The following HDAC9 variants were observed in gnomAD, a reference collection of about 807,000 sequenced individuals.
HDAC9 encodes histone deacetylase 9, also known as MEF-2 interacting transcription repressor (MITR) protein.
In HDAC9, 41 loss-of-function variants were observed where a neutral mutation model predicts 139.4. The ratio of observed to expected loss-of-function variants is 0.29; its 90% CI spans 0.23 to 0.38. The LOEUF (loss-of-function observed/expected upper bound fraction) is 0.38. Ranked by LOEUF, HDAC9 falls within the 10% of genes least tolerant of loss-of-function variation. HDAC9 has a pLI of 1.00. For missense variants in HDAC9, 1,147 were observed against 1,297.0 expected (o/e 0.88, Z 1.78); for synonymous variants, 517 against 476.2 (o/e 1.09, Z -1.12).
At chr7:18,132,379 T>C (rs73315745) in intron 1 of HDAC9, among the ~76,000 whole-genome samples, 5,935 of 152,234 alleles carry the variant, frequency 0.039, 398 homozygotes, top group African/African-American at 0.13. Context: ...AAAGTTGTGA[T>C]TGAAGTCTTT....
upstream of HDAC9, among the ~76,000 whole-genome samples, chr7:18,287,229 ATTTG>A (rs1005105646): frequency 2.6e-5 from 4 of 152,070 alleles, no homozygotes; most frequent in Non-Finnish European, 4.4e-5. Flanking sequence ...GCAAAGCCTT[ATTTG>A]TTTATTTTAG....
intron 2 of HDAC9, among the ~76,000 whole-genome samples, chr7:18,230,600 C>T (rs1793391238): frequency 6.6e-6 from 1 of 152,178 alleles, no homozygotes; most frequent in African/African-American, 2.4e-5. Context: ...CAAATGAGGT[C>T]GTTTTGCTCA....
chr7:18,748,158 A>G (rs1315511212), intron 13 of HDAC9, among the ~76,000 whole-genome samples: 1 of 152,212 alleles, frequency 6.6e-6, no homozygotes, highest in Non-Finnish European at 1.5e-5. Context: ...AGCCAGAGTT[A>G]TAATTATCAT....
chr7:18,624,370 T>C (rs1294071164), intron 6 of HDAC9, among the ~76,000 whole-genome samples: 2 of 152,200 alleles, frequency 1.3e-5, no homozygotes, highest in Admixed American at 6.5e-5. Flanking sequence ...GTCTGTTCTG[T>C]TTTACTATTG....
At chr7:18,351,505 C>G (rs906884262) in intron 1 of HDAC9, among the ~76,000 whole-genome samples, 2 of 152,052 alleles carry the variant, frequency 1.3e-5, no homozygotes, top group East Asian at 3.9e-4. Context: ...TATTTTAAAT[C>G]TTATTAATGC....
At chr7:18,426,049 G>A (rs993221526) in intron 1 of HDAC9, among the ~76,000 whole-genome samples, 2 of 152,210 alleles carry the variant, frequency 1.3e-5, no homozygotes, top group East Asian at 1.9e-4. Context: ...AGTGATATAC[G>A]GACACACAAT....
intron 2 of HDAC9, among the ~76,000 whole-genome samples, chr7:18,523,342 AAG>A (rs1311421635): frequency 6.6e-6 from 1 of 152,202 alleles, no homozygotes. Context: ...TATTAACTAG[AAG>A]TGCCCAGCAA....
chr7:18,932,860 G>GAAAGA (rs1345070601), intron 22 of HDAC9, among the ~76,000 whole-genome samples: 1 of 150,700 alleles, frequency 6.6e-6, no homozygotes, highest in African/African-American at 2.5e-5. Context: ...AAGAAAGAAA[G>GAAAGA]AAAGAAAGAA....
intron 2 of HDAC9, among the ~76,000 whole-genome samples, chr7:18,190,734 CTTA>C (rs1211567295): frequency 1.3e-5 from 2 of 152,040 alleles, no homozygotes; most frequent in Non-Finnish European, 2.9e-5. Flanking sequence ...AATTTTCACT[CTTA>C]TTAAGTAAAA....
chr7:18,404,333 T>C (rs1787813445), intron 1 of HDAC9, among the ~76,000 whole-genome samples: 1 of 151,214 alleles, frequency 6.6e-6, no homozygotes. Flanking sequence ...AATGTAATGT[T>C]TTTTTTAAAG....
chr7:18,840,285 A>G (rs2129214551), intron 21 of HDAC9, among the ~76,000 whole-genome samples: 1 of 152,172 alleles, frequency 6.6e-6, no homozygotes, highest in Non-Finnish European at 1.5e-5. Flanking sequence ...TCATGTCAGT[A>G]TGTTGTAGTA....
intron 1 of HDAC9, among the ~76,000 whole-genome samples, chr7:18,402,158 A>C (rs1787603689): frequency 6.6e-6 from 1 of 152,204 alleles, no homozygotes; most frequent in South Asian, 2.1e-4. Flanking sequence ...AATGAAAAAT[A>C]AGACTTATAT....
chr7:18,968,958 CAAA>C (rs34379636), intron 24 of HDAC9, among the ~76,000 whole-genome samples: 8 of 45,178 alleles, frequency 1.8e-4, no homozygotes, highest in East Asian at 8.5e-4. Flanking sequence ...GCCTCCCTCT[CAAA>C]AAAAAAAAAA....
intron 22 of HDAC9, among the ~76,000 whole-genome samples, chr7:18,894,925 G>C (rs1199297293): frequency 1.3e-5 from 2 of 152,080 alleles, no homozygotes; most frequent in Non-Finnish European, 2.9e-5. Context: ...GATGCTGGCA[G>C]GTGATGGGTG....
intron 12 of HDAC9, among the ~76,000 whole-genome samples, chr7:18,706,870 T>C (rs1248482647): frequency 1.3e-5 from 2 of 152,042 alleles, no homozygotes; most frequent in East Asian, 3.9e-4. Flanking sequence ...TATGCCTTGA[T>C]AGAGTTAGGT....
chr7:18,574,984 G>A (rs1161531037), intron 2 of HDAC9, among the ~76,000 whole-genome samples: 5 of 152,226 alleles, frequency 3.3e-5, no homozygotes, highest in Non-Finnish European at 5.9e-5. Flanking sequence ...TGAGGCTCCC[G>A]CCTGTTCCCA....
At chr7:18,231,640 T>G (rs1793467509) in intron 2 of HDAC9, among the ~76,000 whole-genome samples, 1 of 152,192 alleles carries the variant, frequency 6.6e-6, no homozygotes, top group Non-Finnish European at 1.5e-5. Flanking sequence ...CAGCAGTCAT[T>G]CTCCACTTTT....
At chr7:18,344,910 C>T (rs1782283137) in intron 1 of HDAC9, among the ~76,000 whole-genome samples, 1 of 151,964 alleles carries the variant, frequency 6.6e-6, no homozygotes, top group South Asian at 2.1e-4. Flanking sequence ...TAAGGAGCTG[C>T]AGTCTTTAAT....
chr7:18,657,404 A>G (rs1009510844), intron 11 of HDAC9, among the ~76,000 whole-genome samples: 12 of 152,122 alleles, frequency 7.9e-5, no homozygotes, highest in Admixed American at 7.2e-4. Context: ...CCATTCCCAA[A>G]TCATCAATGA....
Sources: gnomAD v4.1 joint callset for allele counts (sites outside exome capture counted in the v4.1 genomes callset) on GRCh38, gnomAD v4.1.1 for gene constraint, MANE v1.5 for transcripts, NCBI Gene and HGNC (gene_info 2026-07-23, HGNC 2026-07-21) for gene names.